TMEM114: variants seen among roughly 807,000 people sequenced by gnomAD.
The protein encoded by TMEM114 is claudin-26.
A neutral mutation model predicts 6.2 loss-of-function variants in TMEM114; 6 were observed. The ratio of observed to expected loss-of-function variants is 0.97; its 90% CI spans 0.53 to 1.91. The LOEUF is 1.91. TMEM114 is among the 40% of genes most tolerant of loss of function. TMEM114 has a pLI of 0.01. For missense variants in TMEM114, 218 were observed against 158.3 expected (o/e 1.38, Z -2.02); for synonymous variants, 104 against 73.0 (o/e 1.42, Z -2.16).
At chr16:8,556,374 G>T (rs896605436) in intron 2 of TMEM114, among the ~76,000 whole-genome samples, 1 of 152,176 alleles carries the variant, frequency 6.6e-6, no homozygotes, top group Non-Finnish European at 1.5e-5. Context: ...TTGAAAAGGG[G>T]TGAAAACATT....
At chr16:8,532,376 C>G in the TMEM114 span, among the ~76,000 whole-genome samples, 1 of 152,100 alleles carries the variant, frequency 6.6e-6, no homozygotes, top group African/African-American at 2.4e-5. Context: ...GTCGTGATCT[C>G]TAAAAACTCT....
chr16:8,561,044 A>T (rs941654486), intron 2 of TMEM114, among the ~76,000 whole-genome samples: 6 of 152,210 alleles, frequency 3.9e-5, no homozygotes, highest in Non-Finnish European at 8.8e-5. Context: ...CTTAAGACTT[A>T]TTCGCTACCA....
rs1902442632 is a variant in TMEM114, at chr16:8,590,270, T to TTTCCCCAGACTCCTACTCCCTCCA, written c.-456_-433dup. 6.0e-6 allele frequency: 1 copy of TTTCCCCAGACTCCTACTCCCTCCA among 165,880 alleles called. No homozygotes were observed. Among genetic ancestry groups the TTTCCCCAGACTCCTACTCCCTCCA allele is most frequent in the Non-Finnish European group, 1.3e-5 (1 of 77,648 alleles). 10.3% of individuals were successfully genotyped at this position (165,880 alleles called of 1,614,324 possible). On this transcript the variant is annotated 5_prime_UTR_variant, in exon 1 of 4. In the 5' UTR this introduces an upstream ATG that the reference lacks. Coordinates refer to ENST00000620492, the MANE Select transcript of TMEM114 (RefSeq NM_001146336.2). ...GACTCTCTCACTTCAAAATCCTCAC[T>TTTCCCCAGACTCCTACTCCCTCCA]TTCCCCAGACTCCTACTCCCTCCAT... is the stretch of plus-strand genomic sequence containing the variant.
chr16:8,527,805 T>C, the TMEM114 span, among the ~76,000 whole-genome samples: 80 of 152,272 alleles, frequency 5.3e-4, no homozygotes, highest in African/African-American at 1.9e-3. Context: ...CTCCCCCCAA[T>C]ACAGGATGTG....
At chr16:8,575,738 C>T (rs1901900155) in intron 2 of TMEM114, among the ~76,000 whole-genome samples, 1 of 152,236 alleles carries the variant, frequency 6.6e-6, no homozygotes, top group African/African-American at 2.4e-5. Context: ...AATGGACAAA[C>T]TTCTTAAAAT....
the TMEM114 span, among the ~76,000 whole-genome samples, chr16:8,529,997 T>C: frequency 4.7e-3 from 709 of 152,362 alleles, 4 homozygotes; most frequent in African/African-American, 0.016. Flanking sequence ...ATGGTTCTAA[T>C]TGTGAAACCT....
At position 8,569,992 on chromosome 16, in the gene TMEM114, G is replaced by C. The variant is rs892807063; in HGVS notation, c.453C>G (p.Leu151=). The C allele has an allele frequency of 1.3e-6, 2 of 1,549,644 alleles. No homozygotes were observed. Among genetic ancestry groups the C allele is most frequent in the Non-Finnish European group, 8.7e-7 (1 of 1,146,010 alleles). The change falls in exon 4 of 4, where the codon CTC becomes CTG. Residue 151 remains leucine (L), a synonymous_variant. Coordinates refer to ENST00000620492, the MANE Select transcript of TMEM114 (RefSeq NM_001146336.2). The stretch of plus-strand genomic sequence containing the variant: ...ACGCTATGTAGACGCTGATCCCAGC[G>C]AGGGTCACCATGGCTGCAGGGAGGG... ...ILFLFGAMVT[L]AGISVYIAYS... is the part of the protein sequence containing the mutation.
intron 2 of TMEM114, among the ~76,000 whole-genome samples, chr16:8,579,470 G>A (rs562367890): frequency 1.7e-4 from 26 of 151,402 alleles, no homozygotes; most frequent in Admixed American, 6.6e-4. Flanking sequence ...ATATATATAT[G>A]TGTGTCCTTG....
intron 2 of TMEM114, among the ~76,000 whole-genome samples, chr16:8,574,345 A>G (rs1308163467): frequency 6.6e-6 from 1 of 152,222 alleles, no homozygotes; most frequent in Non-Finnish European, 1.5e-5. Context: ...TAGAGCAGGC[A>G]CTAAATAAAT....
chr16:8,542,505 T>A (rs978548789), intron 2 of TMEM114, among the ~76,000 whole-genome samples: 1 of 152,178 alleles, frequency 6.6e-6, no homozygotes, highest in East Asian at 1.9e-4. Flanking sequence ...TTGGGCCTGA[T>A]TGAGCTAGAC....
chr16:8,562,819 AGG>A (rs1457234247), intron 2 of TMEM114, among the ~76,000 whole-genome samples: 1 of 150,988 alleles, frequency 6.6e-6, no homozygotes, highest in Admixed American at 6.6e-5. Flanking sequence ...TAAATGAGTG[AGG>A]GAGGGAGGGA....
chr16:8,559,332 C>G (rs986605845), intron 2 of TMEM114, among the ~76,000 whole-genome samples: 4 of 152,232 alleles, frequency 2.6e-5, no homozygotes, highest in South Asian at 2.1e-4. Flanking sequence ...CGTGAGCCGC[C>G]GGACCCTGCC....
downstream of TMEM114, among the ~76,000 whole-genome samples, chr16:8,566,000 G>C (rs181093467): frequency 6.6e-6 from 1 of 152,184 alleles, no homozygotes; most frequent in African/African-American, 2.4e-5. Flanking sequence ...GAATGGAACA[G>C]AACAGATCAG....
downstream of TMEM114, among the ~76,000 whole-genome samples, chr16:8,565,049 G>GTGAGTGAGGGAA (rs1596481582): frequency 5.9e-4 from 55 of 92,910 alleles, no homozygotes; most frequent in African/African-American, 1.9e-3. Context: ...GAGTGAATGA[G>GTGAGTGAGGGAA]TGAGTGAGTG....
At chr16:8,581,075 C>T (rs901782216) in intron 2 of TMEM114, among the ~76,000 whole-genome samples, 1 of 152,184 alleles carries the variant, frequency 6.6e-6, no homozygotes, top group African/African-American at 2.4e-5. Flanking sequence ...GTATATTTGT[C>T]TATCTTAATG....
downstream of TMEM114, among the ~76,000 whole-genome samples, chr16:8,567,317 G>A (rs1318595410): frequency 6.6e-6 from 1 of 152,164 alleles, no homozygotes; most frequent in South Asian, 2.1e-4. Flanking sequence ...TAGGAAGGGT[G>A]GAGATTTTCT....
downstream of TMEM114, among the ~76,000 whole-genome samples, chr16:8,567,807 T>C (rs1002159436): frequency 6.6e-6 from 1 of 152,174 alleles, no homozygotes; most frequent in Non-Finnish European, 1.5e-5. Context: ...AGTTCCACAA[T>C]ACGACCAGCA....
At chr16:8,556,468 C>T (rs769043432) in intron 2 of TMEM114, among the ~76,000 whole-genome samples, 7 of 152,240 alleles carry the variant, frequency 4.6e-5, no homozygotes, top group African/African-American at 1.7e-4. Context: ...GTACTGAATG[C>T]CACTGAGTTG....
At chr16:8,542,467 T>C (rs138775673) in intron 2 of TMEM114, among the ~76,000 whole-genome samples, 16 of 152,314 alleles carry the variant, frequency 1.1e-4, no homozygotes, top group African/African-American at 3.8e-4. Context: ...TGGAAAACTT[T>C]CATATCTGAT....
Sources: allele counts gnomAD v4.1 joint callset (sites outside exome capture counted in the v4.1 genomes callset), GRCh38; gene constraint gnomAD v4.1.1; transcripts MANE v1.5; gene names NCBI Gene and HGNC (gene_info 2026-07-23, HGNC 2026-07-21).